Variants in NRIP1 observed in about 807,000 individuals in gnomAD.
NRIP1 encodes nuclear receptor interacting protein 1, also known as nuclear receptor-interacting protein 1.
Under a neutral mutation model 75.0 loss-of-function variants are expected in NRIP1, and 28 were observed. The ratio of observed to expected loss-of-function variants is 0.37; its 90% CI spans 0.28 to 0.51. The LOEUF is 0.51. NRIP1 is among the 20% of genes least tolerant of loss of function. NRIP1 has a pLI of 0.92. For synonymous variants in NRIP1, 526 were observed against 487.6 expected, an observed-to-expected ratio of 1.08 and a Z score of -1.04; for missense variants, 1,435 against 1,343.7, an observed-to-expected ratio of 1.07 and a Z score of -1.06.
chr21:15,002,946 GA>G (rs1177172522), intron 3 of NRIP1, among the ~76,000 whole-genome samples: 1 of 151,958 alleles, frequency 6.6e-6, no homozygotes, highest in African/African-American at 2.4e-5. Flanking sequence ...CAAGCTATTT[GA>G]AAAATATTTT....
In NRIP1 at chr21:15,014,459, G is replaced by C. The variant is rs111610778; in HGVS notation, c.-450C>G. ...AGATTCCCTGTCCTCCTTCAGTCAA[G>C]TGTGCATCTTAACAAGAGGGAAAAG... On this transcript the variant is annotated 5_prime_UTR_variant, in exon 3 of 4. Coordinates refer to ENST00000318948, the MANE Select transcript of NRIP1 (RefSeq NM_003489.4). 734 of 398,394 alleles carry C rather than the reference G, an allele frequency of 1.8e-3. 7 individuals are homozygous for C. Among genetic ancestry groups the C allele is most frequent in the African/African-American group, 0.014 (693 of 48,734 alleles). 24.7% of individuals were successfully genotyped at this position (398,394 alleles called of 1,614,324 possible).
At position 15,025,694 on chromosome 21, in the gene NRIP1, C is replaced by T. The variant is rs147138799; in HGVS notation, c.-457-11228G>A. On this transcript the variant is annotated intron_variant, in intron 2 of 3. Coordinates refer to ENST00000318948, the MANE Select transcript of NRIP1 (RefSeq NM_003489.4). ...GGGTCAAAATGAAATTGTATGCCAC[C>T]GCAGAGGATGCAAAGAGAAGACACA... 1.5e-4 allele frequency among the ~76,000 whole-genome samples: 23 copies of T among 152,084 alleles called. 1 individual carries two copies. In the East Asian group the frequency reaches 3.5e-3, roughly 23 times the overall value.
chr21:15,021,666 A>G (rs904841319), intron 2 of NRIP1, among the ~76,000 whole-genome samples: 1 of 152,228 alleles, frequency 6.6e-6, no homozygotes, highest in African/African-American at 2.4e-5. Flanking sequence ...CAAAGGTCTC[A>G]TATCCAGAGT....
chr21:14,983,151 G>A (rs778374276), intron 3 of NRIP1, among the ~76,000 whole-genome samples: 7 of 151,766 alleles, frequency 4.6e-5, no homozygotes, highest in Non-Finnish European at 7.4e-5. Flanking sequence ...GAGGAAGGAT[G>A]TTGAAAGCCA....
rs58275735 is a variant in NRIP1 at position 14,962,015 on chromosome 21, T to TTATATATATATATA, written c.*2687_*2700dup. On this transcript the variant is annotated 3_prime_UTR_variant, in exon 4 of 4. Transcript: ENST00000318948. ...AAGTCAATATATATATATATACATATTATATATATATATATATATATATAT... is the reference window on the plus strand; with the variant it reads ...AAGTCAATATATATATATATACATATTATATATATATATATATATATATATATATATATATATAT... The TTATATATATATATA allele has an allele frequency of 1.4e-5, 2 of 140,512 alleles. No homozygotes were observed. The highest frequency in any genetic ancestry group is 3.1e-5 in the Non-Finnish European group (2 of 64,738). The allele number at this position is 140,512 out of a possible 1,614,324, so 8.7% of individuals were successfully genotyped here.
chr21:15,015,349 C>T lies in NRIP1; in HGVS notation c.-457-883G>A, dbSNP rs185349882. On this transcript the variant is annotated intron_variant, in intron 2 of 3. Coordinates refer to ENST00000318948, the MANE Select transcript of NRIP1 (RefSeq NM_003489.4). ...TCACAGGTGTACACACATGTCAAAA[C>T]TTGTCAGATTGTTCCTTAAATATGT... 5.8e-4 allele frequency among the ~76,000 whole-genome samples: 89 copies of T among 152,226 alleles called. No homozygotes were observed. In the East Asian group the frequency reaches 0.013, roughly 22 times the overall value.
intron 2 of NRIP1, among the ~76,000 whole-genome samples, chr21:15,039,750 A>G (rs984223876): frequency 1.3e-5 from 2 of 152,028 alleles, no homozygotes; most frequent in African/African-American, 2.4e-5. Flanking sequence ...CCCTAAAAGT[A>G]AAATTCTACC....
At chr21:15,008,643 A>G (rs1298523910) in intron 3 of NRIP1, among the ~76,000 whole-genome samples, 1 of 152,178 alleles carries the variant, frequency 6.6e-6, no homozygotes, top group African/African-American at 2.4e-5. Flanking sequence ...TATTAAAAAA[A>G]AACTTATTAG....
At chr21:15,031,227 A>T (rs1483070826) in intron 2 of NRIP1, among the ~76,000 whole-genome samples, 1 of 142,146 alleles carries the variant, frequency 7.0e-6, no homozygotes, top group Non-Finnish European at 1.5e-5. Context: ...ATGTGTATAC[A>T]CTCTGGAAGG....
In NRIP1 at chr21:14,964,948, C is replaced by A. The variant is rs374062940; in HGVS notation, c.3245G>T (p.Arg1082Leu). ...CCAAATGTCCTTGTCTTGTGTTTCT[C>A]GACTGGTAACAGAATTGCCTCCTTT... Reference protein sequence around the residue: ...LQKGGNSVTSRETQDKDIWRE... With the variant: ...LQKGGNSVTSLETQDKDIWRE... The change falls in exon 4 of 4, where the codon CGA (arginine) becomes CTA (leucine). Residue 1082 changes from arginine (R) to leucine (L), a missense_variant. Transcript: ENST00000318948. 6.2e-7 allele frequency: 1 copy of A among 1,613,816 alleles called. No homozygotes were observed. Among genetic ancestry groups the A allele is most frequent in the African/African-American group, 1.3e-5 (1 of 74,996 alleles).
rs746963148 is a variant in NRIP1, at chr21:14,967,684, T to G, written c.509A>C (p.Lys170Thr). The change falls in exon 4 of 4, where the codon AAA (lysine) becomes ACA (threonine). Residue 170 changes from lysine to threonine, a missense_variant. Lys to Thr is a moderately conservative substitution (Grantham distance 78). Coordinates refer to ENST00000318948, the MANE Select transcript of NRIP1 (RefSeq NM_003489.4). ...ATAGCACCTTAAATCCTTCTCCACT[T>G]TTAAAGAATCATGACTGAGGGCATA... ...QGYALSHDSL[K>T]VEKDLRCYGV... 1 of 1,614,108 alleles carries G rather than the reference T, an allele frequency of 6.2e-7. No individual in the cohort carries two copies. Among genetic ancestry groups the G allele is most frequent in the Non-Finnish European group, 8.5e-7 (1 of 1,180,008 alleles).
At chr21:14,999,526 A>G (rs1352917537) in intron 3 of NRIP1, among the ~76,000 whole-genome samples, 1 of 144,832 alleles carries the variant, frequency 6.9e-6, no homozygotes, top group Non-Finnish European at 1.5e-5. Flanking sequence ...AAAATTGAAC[A>G]AAGAGTTGAT....
rs139656141 is a variant in NRIP1 at position 15,047,075 on chromosome 21, C to T, written c.-537-3501G>A. ...TCTCACACAGCTATGAAAAAATGCC[C>T]GAGACTGGGTAATTTATAAAGGAAA... On this transcript the variant is annotated intron_variant, in intron 1 of 3. Transcript: ENST00000318948. Among the ~76,000 whole-genome samples the T allele has an allele frequency of 1.4e-4, 21 of 152,212 alleles. 1 individual carries two copies. The East Asian group carries it at 2.1e-3, about 15-fold the overall frequency.
intron 3 of NRIP1, among the ~76,000 whole-genome samples, chr21:14,999,229 G>A (rs564749164): frequency 1.3e-4 from 20 of 152,084 alleles, no homozygotes; most frequent in African/African-American, 2.7e-4. Context: ...CTCCTACCTC[G>A]GCCTCCCAAA....
At chr21:15,043,679 A>C (rs2089006996) in intron 1 of NRIP1, 105 bp from the exon 2 acceptor site, 1 of 152,242 alleles carries the variant, frequency 6.6e-6, no homozygotes, top group African/African-American at 2.4e-5. Context: ...AAAAACAACA[A>C]AAAAGATGTA....
chr21:15,046,933 G>A (rs1443138743), intron 1 of NRIP1, among the ~76,000 whole-genome samples: 2 of 152,176 alleles, frequency 1.3e-5, no homozygotes, highest in African/African-American at 4.8e-5. Flanking sequence ...TGGAATTAGA[G>A]TGAGGCGCTG....
rs1555881339 is a variant in NRIP1 at position 14,977,578 on chromosome 21, A to AAAG, written c.-334-9053_-334-9052insCTT. 2.1e-3 allele frequency among the ~76,000 whole-genome samples: 322 copies of AAAG among 152,262 alleles called. 3 individuals are homozygous for AAAG. Among genetic ancestry groups the AAAG allele is most frequent in the African/African-American group, 7.5e-3 (312 of 41,548 alleles). ...ACAGTGAATCCTCTATTATCAATTA[A>AAAG]AAAGTCACTGGAAAAAACATTTAAA... On this transcript the variant is annotated intron_variant, in intron 3 of 3. Transcript: ENST00000318948.
intron 3 of NRIP1, among the ~76,000 whole-genome samples, chr21:14,983,446 T>C (rs1193152332): frequency 6.6e-6 from 1 of 152,098 alleles, no homozygotes; most frequent in Non-Finnish European, 1.5e-5. Context: ...AGGTGGCTCA[T>C]ACGATTTAAG....
At chr21:14,982,720 T>TG (rs1491195458) in intron 3 of NRIP1, among the ~76,000 whole-genome samples, 319 of 19,472 alleles carry the variant, frequency 0.016, 1 homozygote, top group African/African-American at 0.052. Flanking sequence ...TTTTTTTTTG[T>TG]TTTTTTTTTT....
Sources: allele counts gnomAD v4.1 joint callset (sites outside exome capture counted in the v4.1 genomes callset), GRCh38; gene constraint gnomAD v4.1.1; transcripts MANE v1.5; gene names NCBI Gene and HGNC (gene_info 2026-07-23, HGNC 2026-07-21).